URB1: variants seen among roughly 807,000 people sequenced by gnomAD.
URB1 encodes the protein URB1 ribosome biogenesis factor.
Under a neutral mutation model 242.3 loss-of-function variants are expected in URB1, and 197 were observed. The ratio of observed to expected loss-of-function variants is 0.81; its 90% confidence interval spans 0.72 to 0.91. The LOEUF is 0.91. Among genes scored for constraint, URB1 ranks in the 40% least tolerant of loss-of-function variants. The pLI is 0.00. For missense variants in URB1, 2,721 were observed against 2,860.5 expected (o/e 0.95, Z 1.11); for synonymous variants, 1,153 against 1,201.8 (o/e 0.96, Z 0.84).
In URB1 at chr21:32,314,328, G is replaced by C. The variant is rs561949215; in HGVS notation, c.*590C>G. On this transcript the variant is annotated 3_prime_UTR_variant, in exon 39 of 39. Transcript: ENST00000382751. ...GCCTCCCGAGTAGCTGGAATTACAG[G>C]TGTGCGCTACCATGCCTGGCTAATT... The C allele has an allele frequency of 1.6e-5, 7 of 448,486 alleles. No homozygotes were observed. The East Asian group carries it at 2.4e-4, about 15-fold the overall frequency. The allele number at this position is 448,486 out of a possible 1,614,324, so 27.8% of individuals were successfully genotyped here. A position where few individuals can be genotyped will look rare whatever the true frequency, so the allele number is the denominator to read the frequency against.
chr21:32,373,668 ATCGGT>A lies in URB1; in HGVS notation c.850_854del (p.Thr284CysfsTer24). On this transcript the variant is annotated frameshift_variant, in exon 7 of 39. Coordinates refer to ENST00000382751, the MANE Select transcript of URB1 (RefSeq NM_014825.3). LOFTEE classifies it high-confidence loss of function. Reference sequence around the variant, plus strand: ...GCACCTTGACATTTTCTGGGTTCACATCGGTAATCCCATTCCAGTTGTACAGCGAT... The same window carrying A: ...GCACCTTGACATTTTCTGGGTTCACAAATCCCATTCCAGTTGTACAGCGAT... The A allele has an allele frequency of 1.3e-6, 2 of 1,540,176 alleles. No individual in the cohort carries two copies. The highest frequency in any genetic ancestry group is 1.7e-6 in the Non-Finnish European group (2 of 1,143,528).
intron 32 of URB1, among the ~76,000 whole-genome samples, chr21:32,322,823 G>A (rs2032783536): frequency 1.3e-5 from 2 of 152,146 alleles, no homozygotes; most frequent in Non-Finnish European, 2.9e-5. Flanking sequence ...GAGTCCTTCA[G>A]GGACCTCGCA....
intron 24 of URB1, among the ~76,000 whole-genome samples, chr21:32,343,652 C>A (rs985876416): frequency 1.3e-5 from 2 of 151,992 alleles, no homozygotes; most frequent in African/African-American, 4.8e-5. Flanking sequence ...GTAAACTTAC[C>A]TCAATTAAAA....
intron 30 of URB1, among the ~76,000 whole-genome samples, chr21:32,326,016 T>G (rs895301152): frequency 2.0e-5 from 3 of 152,048 alleles, no homozygotes; most frequent in African/African-American, 7.3e-5. Flanking sequence ...TTGCCATTTG[T>G]GAGGCCGAGA....
Position 32,355,488 on chromosome 21 carries a change from C to T in URB1, c.2067G>A (p.Met689Ile). Reference sequence around the variant, plus strand: ...GAATCACAGTCTCTTTGTCCTCTTCCATGGTGTTCTCTAAATGCTCCAGCC... The same window carrying T: ...GAATCACAGTCTCTTTGTCCTCTTCTATGGTGTTCTCTAAATGCTCCAGCC... ...ELWLEHLENT[M>I]EEDKETVIQF... The change falls in exon 16 of 39, where the codon ATG becomes ATA. Residue 689 changes from methionine (M) to isoleucine (I), a missense_variant. Coordinates refer to ENST00000382751, the MANE Select transcript of URB1 (RefSeq NM_014825.3). 6.4e-7 allele frequency: 1 copy of T among 1,551,848 alleles called. No homozygotes were observed.
chr21:32,318,284 G>A (rs1252893189), intron 36 of URB1, among the ~76,000 whole-genome samples: 1 of 152,158 alleles, frequency 6.6e-6, no homozygotes. Context: ...CCAGTAAAGT[G>A]AGAAAAACCC....
intron 6 of URB1, among the ~76,000 whole-genome samples, chr21:32,374,870 C>T (rs1363877482): frequency 1.3e-5 from 2 of 152,188 alleles, no homozygotes; most frequent in Non-Finnish European, 2.9e-5. Flanking sequence ...AAAATAAAGT[C>T]CTTTCATGCT....
intron 6 of URB1, among the ~76,000 whole-genome samples, chr21:32,374,828 C>A (rs187047024): frequency 6.6e-6 from 1 of 152,248 alleles, no homozygotes; most frequent in East Asian, 1.9e-4. Context: ...CAAAATTGCC[C>A]CCATTTGAGA....
In URB1 at chr21:32,347,561, T is replaced by C; in HGVS notation, c.3263A>G (p.Gln1088Arg). 1 of 1,551,356 alleles carries C rather than the reference T, an allele frequency of 6.4e-7. No individual in the cohort carries two copies. The highest frequency in any genetic ancestry group is 1.4e-5 in the African/African-American group (1 of 73,180). Residue 1088 changes from glutamine to arginine, a missense_variant, in exon 22 of 39, where the codon CAG (glutamine) becomes CGG (arginine). Gln to Arg is a conservative substitution (Grantham distance 43, BLOSUM62 1). Transcript: ENST00000382751. ...TGTGGCCGGGCCCGCCCTCCTGTTCTGAAGTTCCTTCAGCACACTCTGGGT... is the reference window on the plus strand; with the variant it reads ...TGTGGCCGGGCCCGCCCTCCTGTTCCGAAGTTCCTTCAGCACACTCTGGGT... ...AITQSVLKEL[Q>R]NRRAGPATSP...
chr21:32,322,714 C>T, intron 32 of URB1, 130 bp from the exon 33 acceptor site: 1 of 670,070 alleles, frequency 1.5e-6, no homozygotes, highest in African/African-American at 1.8e-5. Flanking sequence ...TGTCCTGACC[C>T]AGAGGACTGG....
At position 32,322,481 on chromosome 21, in the gene URB1, A is replaced by G. The variant is rs1289849314; in HGVS notation, c.5337T>C (p.Phe1779=). The change falls in exon 33 of 39, where the codon TTT becomes TTC. Residue 1779 remains phenylalanine, a synonymous_variant. Coordinates refer to ENST00000382751, the MANE Select transcript of URB1 (RefSeq NM_014825.3). ...CGTGAGGACTCTGGAAGCATACCTC[A>G]AAGTCGGAGCTGTAGAAGAACTGGT... ...GFYQFFYSSD[F]EQKTEQKWVF... is the part of the protein sequence containing the mutation. The G allele has an allele frequency of 3.9e-6, 6 of 1,552,280 alleles. No individual in the cohort carries two copies. Among genetic ancestry groups the G allele is most frequent in the Non-Finnish European group, 5.2e-6 (6 of 1,147,036 alleles).
At chr21:32,342,356 G>A (rs1003450943) in intron 24 of URB1, among the ~76,000 whole-genome samples, 1 of 152,190 alleles carries the variant, frequency 6.6e-6, no homozygotes, top group Admixed American at 6.5e-5. Flanking sequence ...TGTGCAGGCT[G>A]CTGCCTCCCA....
chr21:32,325,127 C>T (rs575413850), intron 31 of URB1, 102 bp downstream of exon 31: 34 of 1,373,058 alleles, frequency 2.5e-5, no homozygotes, highest in African/African-American at 1.6e-4. Flanking sequence ...ATGCCACCTC[C>T]GTGTTCCCTA....
rs2033030844 is a variant in URB1 at position 32,341,582 on chromosome 21, A to C, written c.4258-58T>G. ...AACATCTCAGTCTACAAAATACTAA[A>C]AGGCCCCAGCTGCAGAGCCTTCAGA... On this transcript the variant is annotated intron_variant, in intron 24 of 38. Coordinates refer to ENST00000382751, the MANE Select transcript of URB1 (RefSeq NM_014825.3). 6 of 1,486,650 alleles carry C rather than the reference A, an allele frequency of 4.0e-6. No individual in the cohort carries two copies. In the South Asian group the frequency reaches 4.9e-5, roughly 12 times the overall value. The allele number at this position is 1,486,650 out of a possible 1,614,324, so 92.1% of individuals were successfully genotyped here. A position where few individuals can be genotyped will look rare whatever the true frequency, so the allele number is the denominator to read the frequency against.
At chr21:32,372,732 T>C in intron 7 of URB1, 101 bp from the exon 8 acceptor site, 1 of 1,309,852 alleles carries the variant, frequency 7.6e-7, no homozygotes, top group East Asian at 2.6e-5. Flanking sequence ...GATGACAATT[T>C]AGAAAACATT....
chr21:32,336,106 C>A (rs2032955902), intron 28 of URB1, among the ~76,000 whole-genome samples: 1 of 152,174 alleles, frequency 6.6e-6, no homozygotes, highest in Non-Finnish European at 1.5e-5. Context: ...TGACATAGCA[C>A]CAGCTCCGAC....
chr21:32,337,349 C>A, intron 27 of URB1, 55 bp downstream of exon 27: 2 of 1,481,422 alleles, frequency 1.4e-6, no homozygotes, highest in African/African-American at 1.4e-5. Context: ...TCTGCTCACA[C>A]CCCCGGCCCT....
chr21:32,384,448 T>C lies in URB1; in HGVS notation c.299A>G (p.Gln100Arg). ...RPESETMLIF[Q>R]VFEAILLRTA... ...CCGCAATAATATGGCCTCGAAAACT[T>C]GAAATATTAACATCGTCTGCAAAGA... The change falls in exon 3 of 39, where the codon CAA (glutamine) becomes CGA (arginine). Residue 100 changes from glutamine to arginine, a missense_variant. Coordinates refer to ENST00000382751, the MANE Select transcript of URB1 (RefSeq NM_014825.3). The C allele has an allele frequency of 6.4e-7, 1 of 1,551,164 alleles. No individual in the cohort carries two copies. Among genetic ancestry groups the C allele is most frequent in the South Asian group, 1.2e-5 (1 of 84,050 alleles).
At chr21:32,328,265 G>A (rs2032853460) in intron 30 of URB1, among the ~76,000 whole-genome samples, 1 of 152,226 alleles carries the variant, frequency 6.6e-6, no homozygotes, top group African/African-American at 2.4e-5. Flanking sequence ...AGCCTCCTGA[G>A]TAGCTAGGAC....
Sources: gnomAD v4.1 joint callset for allele counts (sites outside exome capture counted in the v4.1 genomes callset) on GRCh38, gnomAD v4.1.1 for gene constraint, MANE v1.5 for transcripts, NCBI Gene and HGNC (gene_info 2026-07-23, HGNC 2026-07-21) for gene names.